The following ASTN2 variants were observed in gnomAD, a reference collection of about 807,000 sequenced individuals.
ASTN2 encodes astrotactin-2.
Under a neutral mutation model 139.8 loss-of-function variants are expected in ASTN2, and 54 were observed. The ratio of observed to expected loss-of-function variants is 0.39; its 90% confidence interval spans 0.31 to 0.48. The LOEUF (loss-of-function observed/expected upper bound fraction) is 0.48. Ranked by LOEUF, ASTN2 falls within the 20% of genes least tolerant of loss-of-function variation. The pLI is 0.95. For missense variants in ASTN2, 1,565 were observed against 1,725.1 expected (o/e 0.91, Z 1.64); for synonymous variants, 756 against 719.5 (o/e 1.05, Z -0.81).
chr9:116,507,733 T>C (rs894079482), intron 19 of ASTN2, among the ~76,000 whole-genome samples: 1 of 152,282 alleles, frequency 6.6e-6, no homozygotes, highest in South Asian at 2.1e-4. Flanking sequence ...CCCTGTCTGA[T>C]GTGTTCTTTC....
chr9:116,466,001 T>C (rs770739736), intron 20 of ASTN2, among the ~76,000 whole-genome samples: 3 of 152,336 alleles, frequency 2.0e-5, no homozygotes, highest in Non-Finnish European at 1.5e-5. Context: ...TTAAAACAAA[T>C]GAACACATCC....
At chr9:117,029,635 C>T (rs190688132) in intron 6 of ASTN2, among the ~76,000 whole-genome samples, 224 of 151,530 alleles carry the variant, frequency 1.5e-3, no homozygotes, top group Non-Finnish European at 1.8e-3. Flanking sequence ...TCTGAGCATG[C>T]CACAGAGAGT....
At chr9:116,723,710 C>T (rs753030469) in intron 16 of ASTN2, among the ~76,000 whole-genome samples, 22 of 152,118 alleles carry the variant, frequency 1.4e-4, no homozygotes, top group Non-Finnish European at 2.1e-4. Flanking sequence ...AAAATAAAAC[C>T]GGAGTATTTG....
chr9:116,771,888 C>T (rs939784120), intron 13 of ASTN2, among the ~76,000 whole-genome samples: 1 of 152,132 alleles, frequency 6.6e-6, no homozygotes, highest in African/African-American at 2.4e-5. Flanking sequence ...GGCAAGAGAA[C>T]ATCTAGGGTA....
chr9:117,203,801 C>A (rs1831817257), intron 3 of ASTN2, among the ~76,000 whole-genome samples: 2 of 152,160 alleles, frequency 1.3e-5, no homozygotes, highest in African/African-American at 4.8e-5. Context: ...CATAGGGTAT[C>A]TGACAACCCC....
intron 10 of ASTN2, among the ~76,000 whole-genome samples, chr9:116,868,149 CTCT>C (rs1261705289): frequency 6.6e-6 from 1 of 152,160 alleles, no homozygotes; most frequent in Non-Finnish European, 1.5e-5. Flanking sequence ...TACCAACATC[CTCT>C]TCATTATTTA....
At chr9:117,269,513 C>T (rs899973003) in intron 2 of ASTN2, among the ~76,000 whole-genome samples, 3 of 152,016 alleles carry the variant, frequency 2.0e-5, no homozygotes, top group African/African-American at 7.2e-5. Flanking sequence ...AGCTCCAGGG[C>T]CCAAAGGAAA....
At chr9:117,394,211 C>T (rs1830615220) in intron 1 of ASTN2, among the ~76,000 whole-genome samples, 1 of 152,162 alleles carries the variant, frequency 6.6e-6, no homozygotes, top group Non-Finnish European at 1.5e-5. Context: ...AGGCAAGAGT[C>T]CTTCCATCCC....
chr9:116,886,636 A>G (rs1588384908), intron 10 of ASTN2, among the ~76,000 whole-genome samples: 2 of 152,174 alleles, frequency 1.3e-5, no homozygotes, highest in East Asian at 1.9e-4. Context: ...CTAAGTGCTG[A>G]GATTACAGGT....
At chr9:117,408,206 C>G (rs1831058843) in intron 1 of ASTN2, among the ~76,000 whole-genome samples, 1 of 150,716 alleles carries the variant, frequency 6.6e-6, no homozygotes, top group South Asian at 2.1e-4. Context: ...GCTGAACTAA[C>G]TTGTAGAATC....
intron 10 of ASTN2, among the ~76,000 whole-genome samples, chr9:116,893,296 T>A (rs931829164): frequency 5.3e-5 from 8 of 152,174 alleles, no homozygotes; most frequent in African/African-American, 1.7e-4. Context: ...AACACATTAT[T>A]TTCATGGCTA....
intron 12 of ASTN2, among the ~76,000 whole-genome samples, chr9:116,812,319 G>C (rs1200870431): frequency 6.6e-6 from 1 of 152,170 alleles, no homozygotes; most frequent in Non-Finnish European, 1.5e-5. Context: ...GATTATCCTG[G>C]ATTACTTGGG....
chr9:117,357,741 G>T (rs1375803945), intron 1 of ASTN2, among the ~76,000 whole-genome samples: 1 of 152,024 alleles, frequency 6.6e-6, no homozygotes, highest in Non-Finnish European at 1.5e-5. Context: ...TGCCTATTTT[G>T]ACTAGAGTCT....
At chr9:116,688,524 C>T (rs1345951587) in intron 16 of ASTN2, among the ~76,000 whole-genome samples, 1 of 152,132 alleles carries the variant, frequency 6.6e-6, no homozygotes, top group African/African-American at 2.4e-5. Flanking sequence ...TCAGATAATC[C>T]TGAAGGAGTG....
At chr9:116,564,407 C>T (rs1446166065) in intron 19 of ASTN2, among the ~76,000 whole-genome samples, 1 of 152,210 alleles carries the variant, frequency 6.6e-6, no homozygotes, top group East Asian at 1.9e-4. Context: ...CCTCTCCCCA[C>T]CCTAAACATC....
intron 20 of ASTN2, among the ~76,000 whole-genome samples, chr9:116,469,367 T>C (rs948926940): frequency 1.3e-4 from 20 of 151,726 alleles, no homozygotes; most frequent in Admixed American, 9.2e-4. Flanking sequence ...CCAATTTCAA[T>C]TGGCTTGTGG....
chr9:116,977,815 C>T (rs1836393425), intron 7 of ASTN2, among the ~76,000 whole-genome samples: 1 of 149,224 alleles, frequency 6.7e-6, no homozygotes, highest in Non-Finnish European at 1.5e-5. Flanking sequence ...CTCCCAGCTT[C>T]AAGTGATTCT....
Position 117,008,273 on chromosome 9 carries a change from G to C in ASTN2, c.1424-14C>G. 1 of 1,570,184 alleles carries C rather than the reference G, an allele frequency of 6.4e-7. No homozygotes were observed. The highest frequency in any genetic ancestry group is 8.6e-7 in the Non-Finnish European group (1 of 1,157,008). On this transcript the variant is annotated splice_polypyrimidine_tract_variant and intron_variant, in intron 6 of 22. Transcript: ENST00000313400. ...CGAAGCTGCTTCCTATGGGTGAACG[G>C]AGAGACAGATACTTTCTTACTGATT... is the stretch of plus-strand genomic sequence containing the variant.
intron 19 of ASTN2, chr9:116,540,700 C>T (rs150901663): frequency 6.6e-6 from 1 of 152,244 alleles, no homozygotes; most frequent in East Asian, 1.9e-4. Context: ...GAAAGGAGCA[C>T]AATAGAAGAG....
Sources: allele counts gnomAD v4.1 joint callset (sites outside exome capture counted in the v4.1 genomes callset), GRCh38; gene constraint gnomAD v4.1.1; transcripts MANE v1.5; gene names NCBI Gene and HGNC (gene_info 2026-07-23, HGNC 2026-07-21).